NFIB: variants seen among roughly 807,000 people sequenced by gnomAD.
NFIB encodes nuclear factor I B.
In NFIB, 11 loss-of-function variants were observed where a neutral mutation model predicts 61.5. The observed-to-expected ratio is 0.18, with a 90% CI of 0.11 to 0.30. The LOEUF (loss-of-function observed/expected upper bound fraction) is 0.30, where lower values mean the gene tolerates loss of function less well. Ranked by LOEUF, NFIB falls within the 10% of genes least tolerant of loss-of-function variation. The pLI is 1.00. For synonymous variants in NFIB, 260 were observed against 216.5 expected (o/e 1.20, Z -1.76); for missense variants, 471 against 608.9 (o/e 0.77, Z 2.38).
chr9:14,531,008 G>A, the NFIB span, among the ~76,000 whole-genome samples: 2 of 152,300 alleles, frequency 1.3e-5, no homozygotes, highest in East Asian at 3.9e-4. Context: ...CCTGTGGAAA[G>A]GGTTCCCCAT....
intron 2 of NFIB, among the ~76,000 whole-genome samples, chr9:14,214,393 A>C (rs1288073598): frequency 1.3e-5 from 2 of 152,196 alleles, no homozygotes; most frequent in Non-Finnish European, 2.9e-5. Flanking sequence ...TAATTTTTGA[A>C]CAAGAGGCCC....
At chr9:14,408,406 T>C in the NFIB span, among the ~76,000 whole-genome samples, 2 of 152,194 alleles carry the variant, frequency 1.3e-5, no homozygotes, top group Non-Finnish European at 2.9e-5. Flanking sequence ...ATTTCCATTA[T>C]CCCTAGGGTA....
chr9:14,453,454 T>C, the NFIB span, among the ~76,000 whole-genome samples: 28 of 152,360 alleles, frequency 1.8e-4, 1 homozygote, highest in East Asian at 5.4e-3. Context: ...AATCATCTAC[T>C]CTTGAATTAA....
intron 6 of NFIB, among the ~76,000 whole-genome samples, chr9:14,144,340 A>T (rs1254014437): frequency 4.6e-5 from 7 of 152,208 alleles, no homozygotes. Context: ...CAAGGTTATT[A>T]CCATTAAAAT....
At chr9:14,332,203 G>A (rs1936345511) in intron 1 of NFIB, among the ~76,000 whole-genome samples, 1 of 151,764 alleles carries the variant, frequency 6.6e-6, no homozygotes, top group South Asian at 2.1e-4. Context: ...CGTCGTGGTG[G>A]GCGCCTGTAA....
chr9:14,239,928 G>A (rs2054178934), intron 2 of NFIB, among the ~76,000 whole-genome samples: 2 of 151,942 alleles, frequency 1.3e-5, no homozygotes, highest in Non-Finnish European at 2.9e-5. Flanking sequence ...ATTTAGAGGG[G>A]ATGGTGAGGA....
At chr9:14,225,248 T>C (rs1181674389) in intron 2 of NFIB, among the ~76,000 whole-genome samples, 3 of 152,048 alleles carry the variant, frequency 2.0e-5, no homozygotes, top group Admixed American at 6.6e-5. Context: ...AAGAATGCTA[T>C]AAAAAAATAT....
chr9:14,375,484 C>T (rs1042035000), intron 1 of NFIB, among the ~76,000 whole-genome samples: 11 of 152,088 alleles, frequency 7.2e-5, no homozygotes, highest in Non-Finnish European at 1.3e-4. Flanking sequence ...GGTGAAACCC[C>T]GTCTCTACTA....
At chr9:14,281,600 T>G (rs1165032092) in intron 2 of NFIB, among the ~76,000 whole-genome samples, 1 of 152,196 alleles carries the variant, frequency 6.6e-6, no homozygotes, top group Non-Finnish European at 1.5e-5. Flanking sequence ...GTAATTACAG[T>G]TGTTGGCTTT....
chr9:14,219,584 T>C (rs921936816), intron 2 of NFIB, among the ~76,000 whole-genome samples: 2 of 152,190 alleles, frequency 1.3e-5, no homozygotes, highest in Non-Finnish European at 2.9e-5. Context: ...CATTCACATG[T>C]TATTCCTGCT....
the NFIB span, among the ~76,000 whole-genome samples, chr9:14,463,720 G>C: frequency 7.1e-6 from 1 of 140,506 alleles, no homozygotes; most frequent in Non-Finnish European, 1.5e-5. Context: ...GAGTGCAGTG[G>C]CGCAATCTCG....
intron 10 of NFIB, among the ~76,000 whole-genome samples, chr9:14,094,850 G>A (rs1410612733): frequency 6.6e-6 from 1 of 152,086 alleles, no homozygotes; most frequent in Non-Finnish European, 1.5e-5. Context: ...CAAAATGGTA[G>A]CCCATCAAAC....
At chr9:14,099,652 T>A (rs73409957) in intron 10 of NFIB, among the ~76,000 whole-genome samples, 2 of 152,346 alleles carry the variant, frequency 1.3e-5, no homozygotes, top group Admixed American at 6.5e-5. Context: ...ACTGTCAGCA[T>A]TGGATTCACC....
In NFIB at chr9:14,120,462, G is replaced by A. The variant is rs1414075251; in HGVS notation, c.1223C>T (p.Pro408Leu). The A allele has an allele frequency of 4.3e-6, 7 of 1,613,962 alleles. No individual in the cohort carries two copies. The highest frequency in any genetic ancestry group is 1.3e-5 in the African/African-American group (1 of 74,910). The change falls in exon 8 of 11, where the codon CCA becomes CTA. Residue 408 changes from proline to leucine, a missense_variant. By Grantham distance (98) the Pro-to-Leu change is moderately conservative. Transcript: ENST00000380953. The surrounding 1 kb of genome is among the most constrained non-coding windows in gnomAD (Gnocchi z 4.4). Reference protein sequence around the residue: ...TLKNYVPSYDPSSPQTSQPNG... With the variant: ...TLKNYVPSYDLSSPQTSQPNG... ...TACCTGGCTGGTTTGTGGACTGGAT[G>A]GGTCATAAGAAGGTACATAGTTCTT... is the stretch of plus-strand genomic sequence containing the variant.
At chr9:14,277,484 A>T (rs1427931190) in intron 2 of NFIB, among the ~76,000 whole-genome samples, 1 of 152,246 alleles carries the variant, frequency 6.6e-6, no homozygotes, top group Non-Finnish European at 1.5e-5. Flanking sequence ...GATTAGACAG[A>T]CGCACAAGCA....
At chr9:14,339,015 G>A (rs1006566951) in intron 1 of NFIB, among the ~76,000 whole-genome samples, 20 of 152,190 alleles carry the variant, frequency 1.3e-4, no homozygotes, top group African/African-American at 4.8e-4. Context: ...TTCTGCTCAT[G>A]AGCCTGGGAA....
chr9:14,124,888 C>T (rs530467264), intron 7 of NFIB, among the ~76,000 whole-genome samples: 1 of 152,150 alleles, frequency 6.6e-6, no homozygotes, highest in Non-Finnish European at 1.5e-5. Context: ...TCTCTGATTA[C>T]TCTCATATAG....
intron 2 of NFIB, among the ~76,000 whole-genome samples, chr9:14,228,878 G>C (rs1245999198): frequency 1.3e-5 from 2 of 152,020 alleles, no homozygotes; most frequent in African/African-American, 4.8e-5. Flanking sequence ...AATATGAAAT[G>C]GGGACACATA....
intron 1 of NFIB, among the ~76,000 whole-genome samples, chr9:14,342,224 CA>C (rs1688497904): frequency 6.6e-6 from 1 of 152,252 alleles, no homozygotes; most frequent in South Asian, 2.1e-4. Flanking sequence ...ATAATGGAGC[CA>C]AATAATCCCA....
Sources: allele counts gnomAD v4.1 joint callset (sites outside exome capture counted in the v4.1 genomes callset), GRCh38; gene constraint gnomAD v4.1.1; non-coding constraint Gnocchi (gnomAD v3.1); transcripts MANE v1.5; gene names NCBI Gene and HGNC (gene_info 2026-07-23, HGNC 2026-07-21).